Variants in ARFGEF1 observed in about 807,000 individuals in gnomAD.
The protein encoded by ARFGEF1 is brefeldin A-inhibited guanine nucleotide-exchange protein 1.
Under a neutral mutation model 231.0 loss-of-function variants are expected in ARFGEF1, and 42 were observed. The observed-to-expected ratio is 0.18, with a 90% CI of 0.14 to 0.24. ARFGEF1 has a LOEUF of 0.24. Among genes scored for constraint, ARFGEF1 ranks in the 10% least tolerant of loss-of-function variants. The pLI, the probability that ARFGEF1 is intolerant of heterozygous loss-of-function variation, is 1.00. For missense variants in ARFGEF1, 1,345 were observed against 2,192.0 expected, an observed-to-expected ratio of 0.61 and a Z score of 7.72; for synonymous variants, 710 against 732.3, an observed-to-expected ratio of 0.97 and a Z score of 0.49.
chr8:67,197,459 ATAAAAATTTTAAAAATTGCCT>A (rs1262364152), downstream of ARFGEF1, among the ~76,000 whole-genome samples: 1 of 152,190 alleles, frequency 6.6e-6, no homozygotes, highest in Admixed American at 6.5e-5. Context: ...TAAAAGATAA[ATAAAAATTTTAAAAATTGCCT>A]TAAAAATAAG....
intron 1 of ARFGEF1, among the ~76,000 whole-genome samples, chr8:67,339,383 T>C (rs1030670412): frequency 3.3e-5 from 5 of 152,148 alleles, no homozygotes; most frequent in Admixed American, 3.3e-4. Flanking sequence ...ATCCTAACAT[T>C]TGCAGAGTAT....
intron 7 of ARFGEF1, among the ~76,000 whole-genome samples, chr8:67,282,663 T>C (rs973327568): frequency 1.3e-5 from 2 of 151,958 alleles, no homozygotes; most frequent in East Asian, 1.9e-4. Flanking sequence ...CTGGCCAACA[T>C]GGTAAAACCC....
At chr8:67,284,687 T>C (rs536544481) in intron 7 of ARFGEF1, among the ~76,000 whole-genome samples, 6 of 152,282 alleles carry the variant, frequency 3.9e-5, no homozygotes, top group Non-Finnish European at 5.9e-5. Context: ...CCTTGTGGTA[T>C]TGGACGTGAA....
chr8:67,188,391 CAA>C (rs1835273593), intron 5 of ARFGEF1, among the ~76,000 whole-genome samples: 2 of 152,154 alleles, frequency 1.3e-5, no homozygotes, highest in Non-Finnish European at 2.9e-5. Flanking sequence ...CACACCCAAC[CAA>C]TCAGGTAGTA....
At chr8:67,288,162 T>C in intron 6 of ARFGEF1, 97 bp from the exon 7 acceptor site, 1 of 645,542 alleles carries the variant, frequency 1.5e-6, no homozygotes. Context: ...TCATGAGGAA[T>C]AAAAGAAAAA....
intron 1 of ARFGEF1, among the ~76,000 whole-genome samples, chr8:67,304,214 T>A (rs908660553): frequency 2.0e-5 from 3 of 152,228 alleles, no homozygotes; most frequent in Non-Finnish European, 4.4e-5. Context: ...CTTTGACAAA[T>A]CACCTTGCTA....
intron 1 of ARFGEF1, among the ~76,000 whole-genome samples, chr8:67,335,176 G>T (rs927349787): frequency 6.7e-6 from 1 of 149,502 alleles, no homozygotes; most frequent in African/African-American, 2.5e-5. Context: ...CGCAATCTCG[G>T]CTCACTGCAA....
chr8:67,311,037 C>T, intron 1 of ARFGEF1, among the ~76,000 whole-genome samples: 1 of 145,158 alleles, frequency 6.9e-6, no homozygotes, highest in African/African-American at 2.6e-5. Flanking sequence ...GTGAGGGGCG[C>T]CTCTGCCCGG....
At position 67,299,223 on chromosome 8, in the gene ARFGEF1, G is replaced by A; in HGVS notation, c.445C>T (p.Leu149=). ...ATAATAATTACCTTTATTATCTGCA[G>A]CTGAACTCCTTCATCTGTCTGAGGG... is the stretch of plus-strand genomic sequence containing the variant. ...QGPQTDEGVQ[L]QIIKALLTAV... The change falls in exon 4 of 39, where the codon CTG becomes TTG. Residue 149 remains leucine, a synonymous_variant. Transcript: ENST00000262215. The A allele has an allele frequency of 6.4e-7, 1 of 1,551,600 alleles. No homozygotes were observed. The highest frequency in any genetic ancestry group is 8.7e-7 in the Non-Finnish European group (1 of 1,150,256).
intron 19 of ARFGEF1, among the ~76,000 whole-genome samples, chr8:67,248,290 A>G (rs963742535): frequency 6.7e-6 from 1 of 150,370 alleles, no homozygotes; most frequent in Non-Finnish European, 1.5e-5. Context: ...ATCAAAAGAG[A>G]TATGTAGATC....
intron 17 of ARFGEF1, among the ~76,000 whole-genome samples, chr8:67,254,745 A>G (rs17425781): frequency 0.2 from 30,531 of 152,186 alleles, 3,662 homozygotes; most frequent in East Asian, 0.37. Flanking sequence ...ATTATTCTGC[A>G]AACAGATTTT....
At chr8:67,206,858 C>CTGT (rs1210738310) in intron 34 of ARFGEF1, among the ~76,000 whole-genome samples, 1 of 152,230 alleles carries the variant, frequency 6.6e-6, no homozygotes, top group Non-Finnish European at 1.5e-5. Flanking sequence ...CTTACAATCC[C>CTGT]TGTTTCTTTC....
intron 19 of ARFGEF1, among the ~76,000 whole-genome samples, chr8:67,245,320 T>C (rs1455833299): frequency 6.6e-6 from 1 of 150,446 alleles, no homozygotes; most frequent in African/African-American, 2.5e-5. Context: ...CAGAAAAATA[T>C]AGTATTATAA....
chr8:67,239,156 A>G (rs1322948857), intron 20 of ARFGEF1, among the ~76,000 whole-genome samples: 1 of 151,784 alleles, frequency 6.6e-6, no homozygotes, highest in Admixed American at 6.6e-5. Flanking sequence ...ACAGGCGCCC[A>G]CTACCATGCC....
intron 5 of ARFGEF1, among the ~76,000 whole-genome samples, chr8:67,186,608 T>C (rs1365657739): frequency 2.0e-5 from 3 of 152,186 alleles, no homozygotes; most frequent in African/African-American, 7.2e-5. Flanking sequence ...CTAGAAGCTT[T>C]CCTGCTAAGA....
chr8:67,185,117 A>C (rs560049447), intron 5 of ARFGEF1, among the ~76,000 whole-genome samples: 64 of 149,600 alleles, frequency 4.3e-4, no homozygotes, highest in Non-Finnish European at 7.7e-4. Flanking sequence ...AAAAAAAAAA[A>C]CAAAAACAAA....
Position 67,198,364 on chromosome 8 carries a change from A to G in ARFGEF1, c.*570T>C, listed in dbSNP as rs1838183812. 2 of 984,854 alleles carry G rather than the reference A, an allele frequency of 2.0e-6. No homozygotes were observed. The highest frequency in any genetic ancestry group is 2.4e-6 in the Non-Finnish European group (2 of 829,006). 61.0% of individuals were successfully genotyped at this position (984,854 alleles called of 1,614,324 possible). A position where few individuals can be genotyped will look rare whatever the true frequency, so the allele number is the denominator to read the frequency against. ...GAAAACAGTGCAGGAAGAACTATAT[A>G]ATGTTTTAAGATTTTTATATTACAG... On this transcript the variant is annotated 3_prime_UTR_variant, in exon 39 of 39. Transcript: ENST00000262215.
intron 5 of ARFGEF1, among the ~76,000 whole-genome samples, chr8:67,188,831 G>A (rs1282693645): frequency 1.3e-5 from 2 of 152,144 alleles, no homozygotes; most frequent in African/African-American, 2.4e-5. Flanking sequence ...TGTCCTAATC[G>A]AGCTGAACAC....
intron 12 of ARFGEF1, 28 bp downstream of exon 12, chr8:67,267,063 A>T: frequency 6.2e-7 from 1 of 1,609,846 alleles, no homozygotes; most frequent in Non-Finnish European, 8.5e-7. Flanking sequence ...GTAAAGTTTA[A>T]ATTTGAAAAT....
Sources: gnomAD v4.1 joint callset for allele counts (sites outside exome capture counted in the v4.1 genomes callset) on GRCh38, gnomAD v4.1.1 for gene constraint, MANE v1.5 for transcripts, NCBI Gene and HGNC (gene_info 2026-07-23, HGNC 2026-07-21) for gene names.